The following GLIS3 variants were observed in gnomAD, a reference collection of about 807,000 sequenced individuals.
The protein encoded by GLIS3 is zinc finger protein GLIS3.
A neutral mutation model predicts 78.6 loss-of-function variants in GLIS3; 53 were observed. The observed-to-expected ratio is 0.67, with a 90% CI of 0.54 to 0.85. The LOEUF is 0.85. Ranked by LOEUF, GLIS3 falls within the 40% of genes least tolerant of loss-of-function variation. The pLI, the probability that GLIS3 is intolerant of heterozygous loss-of-function variation, is 0.00. For missense variants in GLIS3, 1,703 were observed against 1,231.1 expected, an observed-to-expected ratio of 1.38 and a Z score of -5.74; for synonymous variants, 684 against 509.9, an observed-to-expected ratio of 1.34 and a Z score of -4.60.
intron 2 of GLIS3, among the ~76,000 whole-genome samples, chr9:4,250,330 T>C: frequency 6.6e-6 from 1 of 152,238 alleles, no homozygotes; most frequent in African/African-American, 2.4e-5. Flanking sequence ...AACTTCTTCC[T>C]GGTTTAGTCT....
intron 2 of GLIS3, among the ~76,000 whole-genome samples, chr9:4,225,250 G>T (rs990426220): frequency 1.3e-5 from 2 of 151,892 alleles, no homozygotes; most frequent in African/African-American, 2.4e-5. Context: ...CATATACTTC[G>T]CTCTTTAAAA....
chr9:4,108,397 C>G (rs1186647721), intron 4 of GLIS3, among the ~76,000 whole-genome samples: 2 of 152,130 alleles, frequency 1.3e-5, no homozygotes, highest in African/African-American at 4.8e-5. Flanking sequence ...GCCTGTGAAG[C>G]AGCATGGAAA....
At chr9:3,975,863 A>C (rs2130941240) in intron 4 of GLIS3, among the ~76,000 whole-genome samples, 1 of 152,268 alleles carries the variant, frequency 6.6e-6, no homozygotes, top group African/African-American at 2.4e-5. Context: ...TGCACCTGTC[A>C]ATAAAACACA....
intron 4 of GLIS3, among the ~76,000 whole-genome samples, chr9:3,980,795 T>C (rs1228953953): frequency 1.3e-5 from 2 of 152,214 alleles, no homozygotes; most frequent in African/African-American, 2.4e-5. Context: ...CAGTTCTGCC[T>C]TCTGCTTCTC....
intron 2 of GLIS3, among the ~76,000 whole-genome samples, chr9:4,199,247 C>A (rs1366874864): frequency 6.6e-6 from 1 of 152,114 alleles, no homozygotes; most frequent in Non-Finnish European, 1.5e-5. Flanking sequence ...TAAAACCCCC[C>A]ACTTAAAAGG....
chr9:4,391,955 G>A, the GLIS3 span, among the ~76,000 whole-genome samples: 3 of 152,160 alleles, frequency 2.0e-5, no homozygotes, highest in East Asian at 5.8e-4. Context: ...GCATGCGTAT[G>A]TTCATTCCAG....
chr9:4,382,940 G>C, the GLIS3 span, among the ~76,000 whole-genome samples: 3 of 152,152 alleles, frequency 2.0e-5, no homozygotes, highest in African/African-American at 7.2e-5. Flanking sequence ...ATCTCACAAA[G>C]CAAAATTTGA....
At chr9:3,829,203 A>G in intron 10 of GLIS3, 107 bp downstream of exon 10, 1 of 907,786 alleles carries the variant, frequency 1.1e-6, no homozygotes, top group Non-Finnish European at 1.8e-6. Context: ...ACAGGATTTG[A>G]TGCGGTCATG....
At chr9:4,107,664 A>G (rs556893777) in intron 4 of GLIS3, among the ~76,000 whole-genome samples, 1 of 152,032 alleles carries the variant, frequency 6.6e-6, no homozygotes, top group Non-Finnish European at 1.5e-5. Context: ...AGTATCTTTC[A>G]TCTCATTCCT....
intron 2 of GLIS3, among the ~76,000 whole-genome samples, chr9:4,260,660 CTG>C (rs1563851131): frequency 6.6e-6 from 1 of 151,790 alleles, no homozygotes; most frequent in East Asian, 1.9e-4. Context: ...GCACAAGAAT[CTG>C]TTGAACCCGG....
chr9:4,033,618 G>A (rs1563969092), intron 4 of GLIS3, among the ~76,000 whole-genome samples: 1 of 152,080 alleles, frequency 6.6e-6, no homozygotes, highest in East Asian at 1.9e-4. Flanking sequence ...TGCTAGAAAT[G>A]GAGAATCCTA....
chr9:4,291,819 C>G (rs1816005963), intron 1 of GLIS3, among the ~76,000 whole-genome samples: 1 of 152,158 alleles, frequency 6.6e-6, no homozygotes, highest in Admixed American at 6.5e-5. Context: ...TTAGAATCTC[C>G]TTTGCACTCT....
chr9:4,379,900 G>A, the GLIS3 span, among the ~76,000 whole-genome samples: 4 of 152,154 alleles, frequency 2.6e-5, no homozygotes, highest in Non-Finnish European at 5.9e-5. Flanking sequence ...GCATCTGTAT[G>A]TGTTTTAGCA....
Position 4,240,885 on chromosome 9 carries a change from T to C in GLIS3, c.388+45153A>G, listed in dbSNP as rs78064025. 8.7e-3 allele frequency among the ~76,000 whole-genome samples: 1,327 copies of C among 152,206 alleles called. 24 individuals carry two copies. The highest frequency in any genetic ancestry group is 0.029 in the African/African-American group (1,217 of 41,542). The stretch of plus-strand genomic sequence containing the variant: ...AGTTAAAAAGTGAAATAAAACTCCA[T>C]ATAAATAAAAATTAATGACACAGGA... On this transcript the variant is annotated intron_variant, in intron 2 of 10. Transcript: ENST00000381971.
chr9:4,085,969 G>A (rs980596102), intron 4 of GLIS3, among the ~76,000 whole-genome samples: 5 of 152,078 alleles, frequency 3.3e-5, no homozygotes, highest in African/African-American at 7.2e-5. Context: ...TTATAGCAAC[G>A]CAAGAATGGC....
intron 2 of GLIS3, among the ~76,000 whole-genome samples, chr9:4,254,066 C>G (rs745851601): frequency 6.6e-6 from 1 of 152,116 alleles, no homozygotes; most frequent in Non-Finnish European, 1.5e-5. Context: ...CCAGCCACCT[C>G]GAGGAAGAGA....
At chr9:4,223,280 T>C (rs962387582) in intron 2 of GLIS3, among the ~76,000 whole-genome samples, 1 of 152,234 alleles carries the variant, frequency 6.6e-6, no homozygotes, top group Non-Finnish European at 1.5e-5. Flanking sequence ...TTACTACCAC[T>C]TCTACTGTGT....
chr9:3,836,784 C>T (rs907735871), intron 9 of GLIS3, among the ~76,000 whole-genome samples: 1 of 152,192 alleles, frequency 6.6e-6, no homozygotes, highest in Non-Finnish European at 1.5e-5. Context: ...ACTAGTGGCT[C>T]CACACTTCCA....
chr9:4,073,570 A>G (rs1827795710), intron 4 of GLIS3, among the ~76,000 whole-genome samples: 1 of 152,156 alleles, frequency 6.6e-6, no homozygotes, highest in Non-Finnish European at 1.5e-5. Context: ...GCACAGCTGC[A>G]AAGCAGAAAC....
Sources: gnomAD v4.1 joint callset for allele counts (sites outside exome capture counted in the v4.1 genomes callset) on GRCh38, gnomAD v4.1.1 for gene constraint, MANE v1.5 for transcripts, NCBI Gene and HGNC (gene_info 2026-07-23, HGNC 2026-07-21) for gene names.